The following GALNT13 variants were observed in gnomAD, a reference collection of about 807,000 sequenced individuals.
GALNT13 encodes UDP-GalNAc:polypeptide N-acetylgalactosaminyltransferase 13.
Under a neutral mutation model 64.2 loss-of-function variants are expected in GALNT13, and 28 were observed. The ratio of observed to expected loss-of-function variants is 0.44; its 90% CI spans 0.32 to 0.60. The LOEUF is 0.60. Among genes scored for constraint, GALNT13 ranks in the 20% least tolerant of loss-of-function variants. The pLI is 0.05. For synonymous variants in GALNT13, 214 were observed against 224.6 expected (o/e 0.95, Z 0.42); for missense variants, 577 against 669.8 (o/e 0.86, Z 1.53).
chr2:153,650,643 C>A, the GALNT13 span, among the ~76,000 whole-genome samples: 19 of 152,022 alleles, frequency 1.2e-4, no homozygotes, highest in Non-Finnish European at 2.1e-4. Context: ...TTCAGGAGCT[C>A]TTTTAGGGCA....
Position 154,450,555 on chromosome 2 carries a change from T to G in GALNT13, c.*4T>G. On this transcript the variant is annotated 3_prime_UTR_variant, in exon 13 of 13. Coordinates refer to ENST00000392825, the MANE Select transcript of GALNT13 (RefSeq NM_052917.4). ...GAACATGACCTTGGGCACATGAAGA[T>G]CATGTCCTCCAAGCCATGAAAGTGT... 1 of 1,593,216 alleles carries G rather than the reference T, an allele frequency of 6.3e-7. No homozygotes were observed.
chr2:153,627,330 A>G, the GALNT13 span, among the ~76,000 whole-genome samples: 1 of 152,114 alleles, frequency 6.6e-6, no homozygotes, highest in Admixed American at 6.6e-5. Flanking sequence ...TTCAAATTTT[A>G]TATTCCTTGC....
At chr2:153,360,259 CT>C in the GALNT13 span, among the ~76,000 whole-genome samples, 1 of 152,186 alleles carries the variant, frequency 6.6e-6, no homozygotes, top group Non-Finnish European at 1.5e-5. Context: ...GGAAGCCCTG[CT>C]TTGTCCATGG....
At chr2:154,362,469 A>G (rs1697130365) in intron 9 of GALNT13, among the ~76,000 whole-genome samples, 1 of 151,894 alleles carries the variant, frequency 6.6e-6, no homozygotes, top group South Asian at 2.1e-4. Context: ...AATGTTTAGC[A>G]TATGAGCAAG....
At chr2:154,057,264 T>C (rs761772340) in intron 3 of GALNT13, among the ~76,000 whole-genome samples, 1 of 152,204 alleles carries the variant, frequency 6.6e-6, no homozygotes, top group Non-Finnish European at 1.5e-5. Flanking sequence ...CTACTGACCT[T>C]GTTATCTGCC....
the GALNT13 span, among the ~76,000 whole-genome samples, chr2:153,545,806 A>G: frequency 6.6e-6 from 1 of 152,132 alleles, no homozygotes; most frequent in African/African-American, 2.4e-5. Flanking sequence ...ACCCACCCCC[A>G]ATCCAGGCAC....
intron 3 of GALNT13, among the ~76,000 whole-genome samples, chr2:153,947,636 G>C (rs1343159380): frequency 6.6e-6 from 1 of 151,804 alleles, no homozygotes; most frequent in Non-Finnish European, 1.5e-5. Context: ...TAGGTTGTCT[G>C]TTTACTCTGT....
intron 9 of GALNT13, among the ~76,000 whole-genome samples, chr2:154,303,702 G>A (rs1218970287): frequency 6.6e-6 from 1 of 151,928 alleles, no homozygotes; most frequent in Non-Finnish European, 1.5e-5. Context: ...AATACGGCAT[G>A]ATAGGAACTT....
chr2:153,578,865 C>T, the GALNT13 span, among the ~76,000 whole-genome samples: 7 of 152,058 alleles, frequency 4.6e-5, no homozygotes, highest in African/African-American at 1.7e-4. Context: ...TAGCAGTCAC[C>T]TACAACTTTT....
chr2:153,224,028 T>C, the GALNT13 span, among the ~76,000 whole-genome samples: 1 of 151,694 alleles, frequency 6.6e-6, no homozygotes, highest in African/African-American at 2.4e-5. Flanking sequence ...AAAGCAGTGC[T>C]TAAAGGGAAA....
intron 1 of GALNT13, among the ~76,000 whole-genome samples, chr2:153,900,528 G>A (rs1688167512): frequency 6.6e-6 from 1 of 152,140 alleles, no homozygotes; most frequent in Non-Finnish European, 1.5e-5. Context: ...ATCCTCATAT[G>A]TCAGATAATA....
At chr2:153,834,756 A>G in the GALNT13 span, among the ~76,000 whole-genome samples, 1 of 152,118 alleles carries the variant, frequency 6.6e-6, no homozygotes, top group African/African-American at 2.4e-5. Context: ...TGGAAAGATA[A>G]TGAGGCATAC....
intron 4 of GALNT13, among the ~76,000 whole-genome samples, chr2:154,182,474 A>C (rs1414117946): frequency 6.6e-6 from 1 of 151,962 alleles, no homozygotes; most frequent in Non-Finnish European, 1.5e-5. Context: ...GTGGTCATTA[A>C]GGATCTTTCT....
the GALNT13 span, among the ~76,000 whole-genome samples, chr2:153,559,557 A>G: frequency 6.6e-6 from 1 of 152,146 alleles, no homozygotes; most frequent in South Asian, 2.1e-4. Context: ...TGTGCTCTGT[A>G]CTTCCTAGTG....
intron 10 of GALNT13, among the ~76,000 whole-genome samples, chr2:154,405,593 A>AAG (rs1699495742): frequency 6.6e-6 from 1 of 151,426 alleles, no homozygotes; most frequent in Non-Finnish European, 1.5e-5. Flanking sequence ...CTAAAAAAAA[A>AAG]AAAAAAAAAA....
chr2:154,094,124 T>C (rs1328810983), intron 3 of GALNT13, among the ~76,000 whole-genome samples: 1 of 151,958 alleles, frequency 6.6e-6, no homozygotes, highest in Non-Finnish European at 1.5e-5. Context: ...TATTACTGTT[T>C]TTCCCAGGCC....
chr2:153,864,839 C>A, the GALNT13 span, among the ~76,000 whole-genome samples: 1 of 148,132 alleles, frequency 6.8e-6, no homozygotes, highest in Admixed American at 6.8e-5. Flanking sequence ...CAAAAAAGAG[C>A]CCGCATCGCC....
At chr2:153,260,091 C>G in the GALNT13 span, among the ~76,000 whole-genome samples, 13 of 152,232 alleles carry the variant, frequency 8.5e-5, no homozygotes, top group African/African-American at 3.1e-4. Context: ...AAAACTAATA[C>G]AACTCTAAGT....
At chr2:154,329,015 A>G (rs548074200) in intron 9 of GALNT13, among the ~76,000 whole-genome samples, 1 of 151,996 alleles carries the variant, frequency 6.6e-6, no homozygotes, top group Non-Finnish European at 1.5e-5. Flanking sequence ...TTCCTTATTG[A>G]CCTTAAGGTA....
Sources: allele counts gnomAD v4.1 joint callset (sites outside exome capture counted in the v4.1 genomes callset), GRCh38; gene constraint gnomAD v4.1.1; transcripts MANE v1.5; gene names NCBI Gene and HGNC (gene_info 2026-07-23, HGNC 2026-07-21).